Variants in ANKFN1 observed in about 807,000 individuals in gnomAD.
The protein encoded by ANKFN1 is ankyrin repeat and fibronectin type III domain containing 1, also known as ankyrin repeat and fibronectin type-III domain-containing protein 1.
A neutral mutation model predicts 108.7 loss-of-function variants in ANKFN1; 74 were observed. The observed-to-expected ratio is 0.68, with a 90% CI of 0.56 to 0.83. The LOEUF (loss-of-function observed/expected upper bound fraction) is 0.83. Ranked by LOEUF, ANKFN1 falls within the 40% of genes least tolerant of loss-of-function variation. The probability of loss-of-function intolerance (pLI) is 0.00; values close to 1 mark genes in which losing one functional copy is unlikely to be tolerated. For synonymous variants in ANKFN1, 547 were observed against 516.2 expected, an observed-to-expected ratio of 1.06 and a Z score of -0.81; for missense variants, 1,505 against 1,382.3, an observed-to-expected ratio of 1.09 and a Z score of -1.41.
chr17:56,483,236 A>G (rs1460643580), intron 18 of ANKFN1, among the ~76,000 whole-genome samples: 6 of 152,314 alleles, frequency 3.9e-5, no homozygotes, highest in Middle Eastern at 3.4e-3. Context: ...GAGATTGTGA[A>G]TAGGGAGGCT....
At chr17:56,139,713 C>T (rs1315366735) in intron 4 of ANKFN1, among the ~76,000 whole-genome samples, 1 of 152,138 alleles carries the variant, frequency 6.6e-6, no homozygotes, top group Admixed American at 6.6e-5. Context: ...AAGTCACTGT[C>T]TTTTTTCTGG....
intron 8 of ANKFN1, among the ~76,000 whole-genome samples, chr17:56,409,018 G>A (rs554560920): frequency 2.5e-4 from 38 of 151,194 alleles, no homozygotes; most frequent in African/African-American, 7.0e-4. Flanking sequence ...TCCACCTCCC[G>A]GGTTCAAGAA....
intron 4 of ANKFN1, among the ~76,000 whole-genome samples, chr17:56,082,019 C>T (rs569921062): frequency 3.9e-5 from 6 of 152,236 alleles, no homozygotes; most frequent in East Asian, 3.9e-4. Flanking sequence ...GTGCTGGCTG[C>T]GACCAATTAT....
At chr17:56,303,990 C>G (rs578081778) in intron 3 of ANKFN1, among the ~76,000 whole-genome samples, 33 of 152,120 alleles carry the variant, frequency 2.2e-4, no homozygotes, top group Admixed American at 5.9e-4. Flanking sequence ...GCCACCATAC[C>G]TGGCCAGATT....
At chr17:56,050,212 G>A (rs1297520210) in intron 4 of ANKFN1, among the ~76,000 whole-genome samples, 1 of 149,952 alleles carries the variant, frequency 6.7e-6, no homozygotes, top group African/African-American at 2.5e-5. Context: ...GTCTGTTCAT[G>A]TCCTTCGCCC....
At chr17:56,086,689 G>A (rs545693753) in intron 4 of ANKFN1, among the ~76,000 whole-genome samples, 12 of 151,370 alleles carry the variant, frequency 7.9e-5, no homozygotes, top group African/African-American at 2.9e-4. Context: ...CCTAGCCCAC[G>A]ATGTCTTCTT....
chr17:56,273,173 A>G (rs1449116173), intron 3 of ANKFN1, among the ~76,000 whole-genome samples: 1 of 152,206 alleles, frequency 6.6e-6, no homozygotes, highest in African/African-American at 2.4e-5. Context: ...CAAGACAGAT[A>G]AAATATTTTA....
At chr17:56,229,068 T>C (rs1280138880) in intron 3 of ANKFN1, among the ~76,000 whole-genome samples, 1 of 152,136 alleles carries the variant, frequency 6.6e-6, no homozygotes, top group Non-Finnish European at 1.5e-5. Flanking sequence ...GTTTGCTCTC[T>C]AGAATAAATT....
intron 3 of ANKFN1, among the ~76,000 whole-genome samples, chr17:56,305,788 T>G (rs2044805209): frequency 6.6e-6 from 1 of 152,214 alleles, no homozygotes; most frequent in Non-Finnish European, 1.5e-5. Flanking sequence ...ATATTTAAAT[T>G]TGTAGTCCAT....
chr17:56,100,132 A>G (rs1905613810), intron 4 of ANKFN1, among the ~76,000 whole-genome samples: 1 of 152,248 alleles, frequency 6.6e-6, no homozygotes, highest in Non-Finnish European at 1.5e-5. Flanking sequence ...TTCAAGCCAC[A>G]ATTCTGCTGC....
intron 1 of ANKFN1, among the ~76,000 whole-genome samples, chr17:56,204,448 C>A (rs1277743553): frequency 6.6e-6 from 1 of 152,100 alleles, no homozygotes; most frequent in Non-Finnish European, 1.5e-5. Context: ...TCAAGTAATT[C>A]TCCTGTCTCA....
intron 15 of ANKFN1, among the ~76,000 whole-genome samples, chr17:56,468,505 A>C (rs1461034390): frequency 6.6e-6 from 1 of 151,922 alleles, no homozygotes; most frequent in Non-Finnish European, 1.5e-5. Context: ...AAACATCTAC[A>C]CTGAGCCCCC....
intron 3 of ANKFN1, among the ~76,000 whole-genome samples, chr17:56,325,675 G>T (rs1305683327): frequency 2.0e-5 from 3 of 152,172 alleles, no homozygotes; most frequent in Non-Finnish European, 4.4e-5. Context: ...CCTGCTAGGA[G>T]CTTATAAGGA....
chr17:56,240,655 G>A (rs1446422118), intron 3 of ANKFN1, among the ~76,000 whole-genome samples: 1 of 152,092 alleles, frequency 6.6e-6, no homozygotes, highest in Non-Finnish European at 1.5e-5. Context: ...AGCAGGTCAT[G>A]TAAGTTTCGG....
intron 15 of ANKFN1, among the ~76,000 whole-genome samples, chr17:56,468,805 G>C (rs1466235657): frequency 6.6e-6 from 1 of 152,172 alleles, no homozygotes; most frequent in Non-Finnish European, 1.5e-5. Context: ...TGGGTTCATA[G>C]GGAATTGACA....
In ANKFN1 at chr17:56,085,648, TCTC is replaced by T. The variant is rs1199380701; in HGVS notation, c.288+39327_288+39329del. Among the ~76,000 whole-genome samples the T allele has an allele frequency of 4.0e-5, 6 of 151,372 alleles. 1 individual carries two copies. The highest frequency in any genetic ancestry group is 8.9e-5 in the Non-Finnish European group (6 of 67,754). On this transcript the variant is annotated intron_variant, in intron 4 of 12. Transcript: ENST00000635860. ...CAGGCCCACCAACTGGCAACTGACT[TCTC>T]CTCTTTTGTGGGATGACCATCTGTG...
chr17:56,428,243 A>T (rs1030950699), intron 8 of ANKFN1, among the ~76,000 whole-genome samples: 1 of 151,934 alleles, frequency 6.6e-6, no homozygotes, highest in Non-Finnish European at 1.5e-5. Flanking sequence ...TCAAAAAAAA[A>T]AAAGAAAAGA....
At chr17:56,054,447 G>A (rs563881616) in intron 4 of ANKFN1, among the ~76,000 whole-genome samples, 3 of 152,188 alleles carry the variant, frequency 2.0e-5, no homozygotes, top group East Asian at 1.9e-4. Flanking sequence ...GAGACATTGC[G>A]GGTTTGGTTT....
chr17:56,490,139 T>C (rs1336332215), intron 18 of ANKFN1, among the ~76,000 whole-genome samples: 1 of 152,238 alleles, frequency 6.6e-6, no homozygotes, highest in African/African-American at 2.4e-5. Context: ...GGAGGCATAG[T>C]TCCTGCCCTC....
Sources: allele counts gnomAD v4.1 joint callset (sites outside exome capture counted in the v4.1 genomes callset), GRCh38; gene constraint gnomAD v4.1.1; transcripts MANE v1.5; gene names NCBI Gene and HGNC (gene_info 2026-07-23, HGNC 2026-07-21).